Variants in NR2F1-AS1 observed in about 807,000 individuals in gnomAD.
NR2F1-AS1 encodes NR2F1 antisense RNA 1.
chr5:93,480,558 T>C (rs1750579703), intron 4 of NR2F1-AS1, among the ~76,000 whole-genome samples: 1 of 152,084 alleles, frequency 6.6e-6, no homozygotes, highest in African/African-American at 2.4e-5. Context: ...TACAATGAAA[T>C]AAAAGTCACT....
intron 4 of NR2F1-AS1, among the ~76,000 whole-genome samples, chr5:93,440,414 G>C (rs2149851407): frequency 6.6e-6 from 1 of 152,324 alleles, no homozygotes; most frequent in South Asian, 2.1e-4. Context: ...GCAACCCATT[G>C]AAGGCCTGAA....
At chr5:93,581,668 GTCTC>G (rs1232503527), upstream of NR2F1-AS1, among the ~76,000 whole-genome samples, 3 of 32,122 alleles carry the variant, frequency 9.3e-5, no homozygotes, top group Non-Finnish European at 1.3e-4. Flanking sequence ...CGGGGTCTCG[GTCTC>G]TCTCTCTCTC....
chr5:93,460,826 A>G (rs1432424732), intron 4 of NR2F1-AS1, among the ~76,000 whole-genome samples: 1 of 152,310 alleles, frequency 6.6e-6, no homozygotes, highest in East Asian at 1.9e-4. Flanking sequence ...TAAAAAGTCA[A>G]AAAACAACAC....
At chr5:93,514,583 A>G (rs1416968011) in intron 4 of NR2F1-AS1, among the ~76,000 whole-genome samples, 1 of 152,074 alleles carries the variant, frequency 6.6e-6, no homozygotes, top group Admixed American at 6.6e-5. Flanking sequence ...CTTGCCATTC[A>G]GCAATCAATA....
At chr5:93,484,245 CG>C (rs1750667576) in intron 4 of NR2F1-AS1, among the ~76,000 whole-genome samples, 1 of 152,038 alleles carries the variant, frequency 6.6e-6, no homozygotes, top group South Asian at 2.1e-4. Flanking sequence ...AGACTAACAG[CG>C]GATCTCTCTG....
At chr5:93,515,811 T>C (rs1166085769) in intron 4 of NR2F1-AS1, among the ~76,000 whole-genome samples, 1 of 151,870 alleles carries the variant, frequency 6.6e-6, no homozygotes, top group Admixed American at 6.6e-5. Flanking sequence ...CCAAGAAACA[T>C]AACATTTTTG....
chr5:93,585,199 G>C, upstream of NR2F1-AS1: 1 of 1,536,294 alleles, frequency 6.5e-7, no homozygotes. Flanking sequence ...GGCCAGCCCG[G>C]AGCGCCCGCC....
At chr5:93,535,151 CAA>C (rs59297889) in intron 4 of NR2F1-AS1, among the ~76,000 whole-genome samples, 1 of 126,822 alleles carries the variant, frequency 7.9e-6, no homozygotes, top group Non-Finnish European at 1.7e-5. Context: ...GAGACTCAGA[CAA>C]AAAAAAAAAA....
chr5:93,414,116 A>G (rs1379736736), intron 4 of NR2F1-AS1, among the ~76,000 whole-genome samples: 1 of 152,224 alleles, frequency 6.6e-6, no homozygotes, highest in Non-Finnish European at 1.5e-5. Context: ...CATATAACAT[A>G]TACATACTAC....
At chr5:93,557,607 CT>C (rs1206833104) in intron 2 of NR2F1-AS1, among the ~76,000 whole-genome samples, 2 of 152,052 alleles carry the variant, frequency 1.3e-5, no homozygotes, top group Non-Finnish European at 2.9e-5. Context: ...ATCATCTGAG[CT>C]TTCAGTGAGA....
intron 4 of NR2F1-AS1, among the ~76,000 whole-genome samples, chr5:93,429,526 G>A (rs1749266760): frequency 1.3e-5 from 2 of 152,194 alleles, no homozygotes; most frequent in African/African-American, 4.8e-5. Flanking sequence ...GAGGAGGGAT[G>A]TGGAAAAACA....
chr5:93,526,024 G>C (rs1174571223), intron 4 of NR2F1-AS1, among the ~76,000 whole-genome samples: 1 of 151,880 alleles, frequency 6.6e-6, no homozygotes, highest in Non-Finnish European at 1.5e-5. Flanking sequence ...AACTGAAGGA[G>C]ATAGACACAA....
intron 4 of NR2F1-AS1, among the ~76,000 whole-genome samples, chr5:93,470,350 G>A (rs758817441): frequency 7.9e-5 from 12 of 151,812 alleles, no homozygotes; most frequent in Non-Finnish European, 1.6e-4. Context: ...AAAATTGTTA[G>A]TGTGCCTAGA....
At chr5:93,584,970 C>T, upstream of NR2F1-AS1, 1 of 888,882 alleles carries the variant, frequency 1.1e-6, no homozygotes, top group Non-Finnish European at 1.3e-6. Context: ...CCGCGCGCCC[C>T]GCGGCCCTCG....
At chr5:93,571,009 G>T (rs2149927722) in intron 1 of NR2F1-AS1, 1 of 152,360 alleles carries the variant, frequency 6.6e-6, no homozygotes, top group South Asian at 2.1e-4. Context: ...TCAGGGTCGT[G>T]AAGAGACACT....
At chr5:93,440,190 T>C (rs1318394854) in intron 4 of NR2F1-AS1, among the ~76,000 whole-genome samples, 1 of 151,084 alleles carries the variant, frequency 6.6e-6, no homozygotes, top group Non-Finnish European at 1.5e-5. Context: ...GCTCTCTCTC[T>C]CTGTCTCTCT....
chr5:93,560,630 T>G lies in NR2F1-AS1; in HGVS notation n.413+2734A>C, dbSNP rs1015117820. Among the ~76,000 whole-genome samples the G allele has an allele frequency of 5.1e-4, 77 of 152,366 alleles. 1 individual carries two copies. The highest frequency in any genetic ancestry group is 4.6e-4 in the Admixed American group (7 of 15,300). On this transcript the variant is annotated intron_variant and non_coding_transcript_variant, in intron 2 of 5. Coordinates refer to ENST00000660523, the Ensembl canonical transcript of NR2F1-AS1. ...ATCCACTGAACCTTCTACCAGGAAC[T>G]AGTGATGTGTTTGTTTATCTCTTTT...
intron 4 of NR2F1-AS1, among the ~76,000 whole-genome samples, chr5:93,498,086 G>A (rs1751002574): frequency 6.6e-6 from 1 of 152,046 alleles, no homozygotes; most frequent in South Asian, 2.1e-4. Flanking sequence ...CACTTTAGGA[G>A]GCCAAGGAAA....
intron 1 of NR2F1-AS1, among the ~76,000 whole-genome samples, chr5:93,577,668 A>G (rs1462996677): frequency 2.0e-5 from 3 of 152,160 alleles, no homozygotes; most frequent in Non-Finnish European, 4.4e-5. Flanking sequence ...TACATCTTCA[A>G]CTATGTCCTT....
Sources: gnomAD v4.1 joint callset for allele counts (sites outside exome capture counted in the v4.1 genomes callset) on GRCh38, gnomAD v4.1.1 for gene constraint, MANE v1.5 for transcripts, NCBI Gene and HGNC (gene_info 2026-07-23, HGNC 2026-07-21) for gene names.